The following DLG2 variants were observed in gnomAD, a reference collection of about 807,000 sequenced individuals.
DLG2 encodes disks large homolog 2.
DLG2 carries 45 observed loss-of-function variants against 132.5 expected under a neutral mutation model. That is an observed-to-expected ratio of 0.34 (90% CI 0.27 to 0.44). The LOEUF is 0.44. Among genes scored for constraint, DLG2 ranks in the 20% least tolerant of loss-of-function variants. DLG2 has a pLI of 1.00. For synonymous variants in DLG2, 424 were observed against 419.6 expected (o/e 1.01, Z -0.13); for missense variants, 1,045 against 1,196.9 (o/e 0.87, Z 1.87).
intron 3 of DLG2, among the ~76,000 whole-genome samples, chr11:85,500,124 T>G (rs577972352): frequency 1.8e-4 from 27 of 152,102 alleles, no homozygotes; most frequent in African/African-American, 5.8e-4. Context: ...AGAAACAAAG[T>G]GTATTCAAAT....
chr11:84,019,840 G>A (rs1276290952), intron 11 of DLG2, among the ~76,000 whole-genome samples: 1 of 152,162 alleles, frequency 6.6e-6, no homozygotes, highest in African/African-American at 2.4e-5. Flanking sequence ...ACAGTCTTCA[G>A]AAGGAAACAA....
In DLG2 at chr11:83,769,772, C is replaced by T. The variant is rs192965027; in HGVS notation, c.1825+16918G>A. On this transcript the variant is annotated intron_variant, in intron 18 of 27. Transcript: ENST00000376104. ...TAGAGACGGGGTTTCACCATGTTGGCCAGGCTGGTCTTGAACTCCTGACCT... is the reference window on the plus strand; with the variant it reads ...TAGAGACGGGGTTTCACCATGTTGGTCAGGCTGGTCTTGAACTCCTGACCT... Among the ~76,000 whole-genome samples, 27 of 152,126 alleles carry T rather than the reference C, an allele frequency of 1.8e-4. No individual in the cohort carries two copies. In the East Asian group the frequency reaches 5.0e-3, roughly 28 times the overall value.
In DLG2 at chr11:83,501,098, T is replaced by C. The variant is rs1210467484; in HGVS notation, c.2194-16870A>G. 3.3e-5 allele frequency among the ~76,000 whole-genome samples: 5 copies of C among 152,258 alleles called. No individual in the cohort carries two copies. In the South Asian group the frequency reaches 8.3e-4, roughly 25 times the overall value. On this transcript the variant is annotated intron_variant, in intron 21 of 27. Coordinates refer to ENST00000376104, the MANE Select transcript of DLG2 (RefSeq NM_001142699.3). Reference sequence around the variant, plus strand: ...TCTCACCAATTGGACATGTTGAAATTATTTTTAAATTCCCATATGTTAGAT... The same window carrying C: ...TCTCACCAATTGGACATGTTGAAATCATTTTTAAATTCCCATATGTTAGAT...
At chr11:83,667,516 T>G (rs1219957384) in intron 18 of DLG2, among the ~76,000 whole-genome samples, 1 of 152,196 alleles carries the variant, frequency 6.6e-6, no homozygotes, top group Non-Finnish European at 1.5e-5. Flanking sequence ...CAAATACTCA[T>G]TACCTGAATA....
At chr11:83,629,899 T>A (rs1304287517) in intron 19 of DLG2, among the ~76,000 whole-genome samples, 1 of 152,178 alleles carries the variant, frequency 6.6e-6, no homozygotes, top group Non-Finnish European at 1.5e-5. Context: ...TAACTTTATT[T>A]ACTTTTAAAT....
At chr11:85,382,407 T>C (rs1325392127) in intron 3 of DLG2, among the ~76,000 whole-genome samples, 2 of 152,038 alleles carry the variant, frequency 1.3e-5, no homozygotes, top group African/African-American at 2.4e-5. Context: ...GCTAAAACTA[T>C]AAAACCCTTA....
intron 18 of DLG2, among the ~76,000 whole-genome samples, chr11:83,760,743 A>T (rs1271797438): frequency 6.6e-6 from 1 of 152,206 alleles, no homozygotes; most frequent in South Asian, 2.1e-4. Context: ...TAGATCAGTC[A>T]CAAATCCAGT....
chr11:85,536,760 T>C (rs537351050), intron 3 of DLG2, among the ~76,000 whole-genome samples: 28 of 152,358 alleles, frequency 1.8e-4, no homozygotes, highest in African/African-American at 5.8e-4. Flanking sequence ...CTGAATCCCA[T>C]GCATGGACCG....
intron 6 of DLG2, among the ~76,000 whole-genome samples, chr11:84,691,537 A>G (rs1251237404): frequency 1.3e-5 from 2 of 151,830 alleles, no homozygotes; most frequent in Non-Finnish European, 2.9e-5. Context: ...TCATTCTTAC[A>G]TATTCATTAA....
At chr11:83,628,389 C>G (rs1239762749) in intron 19 of DLG2, among the ~76,000 whole-genome samples, 1 of 152,116 alleles carries the variant, frequency 6.6e-6, no homozygotes, top group African/African-American at 2.4e-5. Flanking sequence ...GTTTTTCTAC[C>G]TGGCAGAAGC....
intron 4 of DLG2, among the ~76,000 whole-genome samples, chr11:85,239,775 AG>A (rs1388934679): frequency 6.6e-6 from 1 of 151,956 alleles, no homozygotes; most frequent in Non-Finnish European, 1.5e-5. Flanking sequence ...TTCCATTGCA[AG>A]AACATAACAC....
Position 85,549,491 on chromosome 11 carries a change from T to C in DLG2, c.40+49166A>G, listed in dbSNP as rs563303097. Among the ~76,000 whole-genome samples, 7 of 152,266 alleles carry C rather than the reference T, an allele frequency of 4.6e-5. No homozygotes were observed. The South Asian group carries it at 6.2e-4, about 14-fold the overall frequency. On this transcript the variant is annotated intron_variant, in intron 3 of 27. Transcript: ENST00000376104. The stretch of plus-strand genomic sequence containing the variant: ...AATGTCTAAATATTTCCCAATACAA[T>C]TGTAAATTGTACAAGTATGAAAAAA...
intron 14 of DLG2, among the ~76,000 whole-genome samples, chr11:83,955,079 T>C (rs2086492742): frequency 6.6e-6 from 1 of 152,244 alleles, no homozygotes; most frequent in South Asian, 2.1e-4. Flanking sequence ...TTAAAATCCT[T>C]GTTTTTTCAA....
chr11:84,348,397 A>C (rs2098548233), intron 7 of DLG2, among the ~76,000 whole-genome samples: 1 of 152,186 alleles, frequency 6.6e-6, no homozygotes, highest in South Asian at 2.1e-4. Flanking sequence ...ATTTGCTTTC[A>C]AGTCTATGTT....
At chr11:83,731,862 A>G (rs1443360462) in intron 18 of DLG2, among the ~76,000 whole-genome samples, 1 of 152,188 alleles carries the variant, frequency 6.6e-6, no homozygotes, top group Non-Finnish European at 1.5e-5. Context: ...TTATCTGTTA[A>G]ATGAAAATAA....
intron 6 of DLG2, among the ~76,000 whole-genome samples, chr11:84,602,506 C>T (rs943338958): frequency 6.6e-6 from 1 of 151,944 alleles, no homozygotes; most frequent in Non-Finnish European, 1.5e-5. Flanking sequence ...TTCCATTAAG[C>T]TTTCCTTTCA....
chr11:83,826,463 T>C (rs961483060), intron 17 of DLG2, among the ~76,000 whole-genome samples: 2 of 152,078 alleles, frequency 1.3e-5, no homozygotes, highest in Non-Finnish European at 2.9e-5. Flanking sequence ...GGCTCTACAA[T>C]TAAGAGAGGC....
intron 9 of DLG2, among the ~76,000 whole-genome samples, chr11:84,119,470 CATATATTCATACAGGTA>C (rs2154199869): frequency 6.6e-6 from 1 of 151,040 alleles, no homozygotes; most frequent in East Asian, 1.9e-4. Context: ...AAATATATAT[CATATATTCATACAGGTA>C]ATATATTCAT....
chr11:84,413,696 C>G (rs2098918205), intron 7 of DLG2, among the ~76,000 whole-genome samples: 2 of 152,208 alleles, frequency 1.3e-5, no homozygotes, highest in African/African-American at 4.8e-5. Flanking sequence ...CACACTCAAT[C>G]ACCTGCTGAC....
Sources: gnomAD v4.1 joint callset for allele counts (sites outside exome capture counted in the v4.1 genomes callset) on GRCh38, gnomAD v4.1.1 for gene constraint, MANE v1.5 for transcripts, NCBI Gene and HGNC (gene_info 2026-07-23, HGNC 2026-07-21) for gene names.